Variants in TGFBR3 observed in about 807,000 individuals in gnomAD.
The protein encoded by TGFBR3 is transforming growth factor beta receptor 3.
Under a neutral mutation model 87.9 loss-of-function variants are expected in TGFBR3, and 46 were observed. The observed-to-expected ratio is 0.52, with a 90% CI of 0.41 to 0.67. The LOEUF (loss-of-function observed/expected upper bound fraction) is 0.67. Ranked by LOEUF, TGFBR3 falls within the 30% of genes least tolerant of loss-of-function variation. The probability of loss-of-function intolerance (pLI) is 0.00; values close to 1 mark genes in which losing one functional copy is unlikely to be tolerated. For synonymous variants in TGFBR3, 381 were observed against 391.6 expected, an observed-to-expected ratio of 0.97 and a Z score of 0.32; for missense variants, 866 against 1,041.9, an observed-to-expected ratio of 0.83 and a Z score of 2.32.
chr1:91,770,016 C>G (rs1211061795), intron 3 of TGFBR3, among the ~76,000 whole-genome samples: 1 of 152,174 alleles, frequency 6.6e-6, no homozygotes, highest in Non-Finnish European at 1.5e-5. Context: ...GTCTCAGCAT[C>G]AAAGTTCTGT....
At position 91,680,973 on chromosome 1, in the gene TGFBR3, G is replaced by A. The variant is rs1231728706; in HGVS notation, c.*2766C>T. On this transcript the variant is annotated 3_prime_UTR_variant, in exon 17 of 17. Transcript: ENST00000212355. ...AAACACCACATGGTGAAAAGCTATAGCGTATTATACAGACAATCTGCCTTG... is the reference window on the plus strand; with the variant it reads ...AAACACCACATGGTGAAAAGCTATAACGTATTATACAGACAATCTGCCTTG... The A allele has an allele frequency of 4.4e-6, 2 of 454,068 alleles. No individual in the cohort carries two copies. Among genetic ancestry groups the A allele is most frequent in the South Asian group, 1.6e-5 (1 of 64,472 alleles). The allele number at this position is 454,068 out of a possible 1,614,324, so 28.1% of individuals were successfully genotyped here.
chr1:91,844,416 G>C (rs767546266), intron 2 of TGFBR3, among the ~76,000 whole-genome samples: 7 of 152,194 alleles, frequency 4.6e-5, no homozygotes, highest in African/African-American at 7.2e-5. Flanking sequence ...GGACACACTA[G>C]AGTCTTCAAA....
At chr1:91,840,682 T>C (rs999693212) in intron 2 of TGFBR3, among the ~76,000 whole-genome samples, 8 of 152,236 alleles carry the variant, frequency 5.3e-5, no homozygotes, top group African/African-American at 1.9e-4. Flanking sequence ...TATTTAACCA[T>C]TGAGAAACTG....
At chr1:91,834,397 A>T (rs1037480706) in intron 2 of TGFBR3, among the ~76,000 whole-genome samples, 4 of 152,252 alleles carry the variant, frequency 2.6e-5, no homozygotes, top group Non-Finnish European at 5.9e-5. Context: ...CTATCCTCTG[A>T]CAGGTTCCCC....
intron 3 of TGFBR3, among the ~76,000 whole-genome samples, chr1:91,779,307 TA>T (rs1674683787): frequency 6.6e-6 from 1 of 152,212 alleles, no homozygotes; most frequent in South Asian, 2.1e-4. Context: ...AGTCATGCTT[TA>T]ATTATTTAAT....
chr1:91,789,036 G>A (rs985281031), intron 3 of TGFBR3, among the ~76,000 whole-genome samples: 7 of 152,152 alleles, frequency 4.6e-5, no homozygotes, highest in African/African-American at 1.4e-4. Context: ...GGTGGCTCAC[G>A]CCTGTAATCC....
chr1:91,698,263 C>A (rs1671499087), intron 14 of TGFBR3, 133 bp from the exon 15 acceptor site: 1 of 797,502 alleles, frequency 1.3e-6, no homozygotes. Context: ...TGTCAATGAT[C>A]CTCTTTAGAT....
intron 1 of TGFBR3, among the ~76,000 whole-genome samples, chr1:91,862,393 C>A (rs985673774): frequency 6.6e-6 from 1 of 152,026 alleles, no homozygotes; most frequent in Admixed American, 6.6e-5. Context: ...TGCTAGGAAT[C>A]AATCTGAAAA....
intron 10 of TGFBR3, among the ~76,000 whole-genome samples, chr1:91,717,280 T>C (rs1411751491): frequency 1.3e-5 from 2 of 152,202 alleles, no homozygotes; most frequent in African/African-American, 2.4e-5. Flanking sequence ...ACCTAATGTT[T>C]ACTATGGAGC....
chr1:91,854,874 A>C (rs1391977047), intron 2 of TGFBR3, among the ~76,000 whole-genome samples: 1 of 152,244 alleles, frequency 6.6e-6, no homozygotes, highest in Non-Finnish European at 1.5e-5. Flanking sequence ...AAGCCCTATT[A>C]TTCTCATTCT....
Position 91,680,750 on chromosome 1 carries a change from A to G in TGFBR3, c.*2989T>C, listed in dbSNP as rs1340871789. 2.2e-6 allele frequency: 1 copy of G among 454,146 alleles called. No homozygotes were observed. The highest frequency in any genetic ancestry group is 4.4e-6 in the Non-Finnish European group (1 of 226,796). The allele number at this position is 454,146 out of a possible 1,614,324, so 28.1% of individuals were successfully genotyped here. On this transcript the variant is annotated 3_prime_UTR_variant, in exon 17 of 17. Coordinates refer to ENST00000212355, the MANE Select transcript of TGFBR3 (RefSeq NM_003243.5). ...ATCATTCAAACCATGAGGTAGTTAC[A>G]GTACAAAAAGACTGGCACGCGTGTG...
rs1571447035 is a variant in TGFBR3 at position 91,727,456 on chromosome 1, G to A, written c.885+203C>T. Reference sequence around the variant, plus strand: ...GTCACAGTGGGATTACCTGGACTCAGACCTGGGTCCGTCTTAATCCAAGGC... The same window carrying A: ...GTCACAGTGGGATTACCTGGACTCAAACCTGGGTCCGTCTTAATCCAAGGC... On this transcript the variant is annotated intron_variant, in intron 7 of 16. Coordinates refer to ENST00000212355, the MANE Select transcript of TGFBR3 (RefSeq NM_003243.5). 2.0e-5 allele frequency among the ~76,000 whole-genome samples: 3 copies of A among 152,200 alleles called. No individual in the cohort carries two copies. In the East Asian group the frequency reaches 5.8e-4, roughly 29 times the overall value.
At chr1:91,817,632 G>T (rs1208805515) in intron 2 of TGFBR3, among the ~76,000 whole-genome samples, 1 of 152,168 alleles carries the variant, frequency 6.6e-6, no homozygotes, top group Non-Finnish European at 1.5e-5. Flanking sequence ...AGCAATCCCT[G>T]TGGATACCTA....
rs1303673266 is a variant in TGFBR3 at position 91,797,378 on chromosome 1, C to G, written c.155G>C (p.Cys52Ser). The change falls in exon 3 of 17, where the codon TGT (cysteine) becomes TCT (serine). Residue 52 changes from cysteine to serine, a missense_variant. Cys to Ser is a moderately radical substitution (Grantham distance 112). Coordinates refer to ENST00000212355, the MANE Select transcript of TGFBR3 (RefSeq NM_003243.5). ...LMESFTVLSG[C>S]ASRGTTGLPQ... Reference sequence around the variant, plus strand: ...CAGCCCAGTTGTGCCTCTGCTGGCACAGCCTGACAAAACAGTGAAGCTCTC... The same window carrying G: ...CAGCCCAGTTGTGCCTCTGCTGGCAGAGCCTGACAAAACAGTGAAGCTCTC... 6.2e-7 allele frequency: 1 copy of G among 1,614,216 alleles called. No individual in the cohort carries two copies. Among genetic ancestry groups the G allele is most frequent in the Non-Finnish European group, 8.5e-7 (1 of 1,180,030 alleles).
intron 10 of TGFBR3, among the ~76,000 whole-genome samples, chr1:91,718,667 C>A (rs557943371): frequency 1.3e-5 from 2 of 152,184 alleles, no homozygotes; most frequent in East Asian, 3.8e-4. Context: ...TTTTGACCAA[C>A]TGAGAAGAAA....
intron 1 of TGFBR3, among the ~76,000 whole-genome samples, chr1:91,869,966 A>G (rs575751377): frequency 6.6e-6 from 1 of 152,370 alleles, no homozygotes; most frequent in East Asian, 1.9e-4. Flanking sequence ...TCTGAAATGC[A>G]TAATTATGTA....
At chr1:91,747,227 T>C (rs1488651488) in intron 4 of TGFBR3, among the ~76,000 whole-genome samples, 2 of 152,194 alleles carry the variant, frequency 1.3e-5, no homozygotes, top group African/African-American at 2.4e-5. Context: ...CTCCCGTTGG[T>C]GAGGGAACTG....
In TGFBR3 at chr1:91,716,659, C is replaced by T. The variant is rs748868835; in HGVS notation, c.1616G>A (p.Gly539Asp). Residue 539 changes from glycine (G) to aspartate (D), a missense_variant, in exon 11 of 17, where the codon GGT (glycine) becomes GAT (aspartate). Gly to Asp is a moderately conservative substitution (Grantham distance 94). Transcript: ENST00000212355. ...ALGDSSGWPDGYEDLESGDNG... is the reference protein window; with the variant it reads ...ALGDSSGWPDDYEDLESGDNG... ...ATCACCTGACTCCAGATCTTCATAACCATCTGGCCAACCACTACTGTCCCC... is the reference window on the plus strand; with the variant it reads ...ATCACCTGACTCCAGATCTTCATAATCATCTGGCCAACCACTACTGTCCCC... 9 of 1,614,008 alleles carry T rather than the reference C, an allele frequency of 5.6e-6. No homozygotes were observed. Among genetic ancestry groups the T allele is most frequent in the African/African-American group, 1.3e-5 (1 of 74,920 alleles).
chr1:91,724,764 T>G, intron 7 of TGFBR3, among the ~76,000 whole-genome samples: 1 of 151,642 alleles, frequency 6.6e-6, no homozygotes, highest in Non-Finnish European at 1.5e-5. Flanking sequence ...TACAAGGAGG[T>G]CTCCAAAAAC....
Sources: allele counts gnomAD v4.1 joint callset (sites outside exome capture counted in the v4.1 genomes callset), GRCh38; gene constraint gnomAD v4.1.1; transcripts MANE v1.5; gene names NCBI Gene and HGNC (gene_info 2026-07-23, HGNC 2026-07-21).